Variants in SLC17A1 observed in about 807,000 individuals in gnomAD.
SLC17A1 encodes sodium-dependent phosphate transport protein 1.
Under a neutral mutation model 53.5 loss-of-function variants are expected in SLC17A1, and 51 were observed. The ratio of observed to expected loss-of-function variants is 0.95; its 90% CI spans 0.76 to 1.20. The LOEUF is 1.20. SLC17A1 is among the 50% of genes most tolerant of loss of function. SLC17A1 has a pLI of 0.00. For missense variants in SLC17A1, 538 were observed against 568.2 expected (o/e 0.95, Z 0.54); for synonymous variants, 179 against 198.8 (o/e 0.90, Z 0.84).
chr6:25,769,058 G>C, the SLC17A1 span: 1 of 1,613,988 alleles, frequency 6.2e-7, no homozygotes, highest in Non-Finnish European at 8.5e-7. Flanking sequence ...CCCAACAAAT[G>C]AACTTGAGCA....
chr6:25,772,118 G>T, the SLC17A1 span, among the ~76,000 whole-genome samples: 3 of 152,106 alleles, frequency 2.0e-5, no homozygotes, highest in Non-Finnish European at 4.4e-5. Flanking sequence ...AATATGTAAT[G>T]ATTCCATAGC....
intron 6 of SLC17A1, among the ~76,000 whole-genome samples, chr6:25,817,373 G>A (rs1448059739): frequency 2.0e-5 from 3 of 152,142 alleles, no homozygotes; most frequent in Admixed American, 6.5e-5. Context: ...TTTGACATAC[G>A]TGGACATCAT....
chr6:25,735,426 C>G, the SLC17A1 span, among the ~76,000 whole-genome samples: 2 of 152,188 alleles, frequency 1.3e-5, no homozygotes, highest in African/African-American at 4.8e-5. Context: ...CAATCATGCT[C>G]TAATGCAGTC....
chr6:25,773,818 T>A, the SLC17A1 span: 1 of 724,478 alleles, frequency 1.4e-6, no homozygotes, highest in African/African-American at 1.8e-5. Context: ...TGCAATCTAG[T>A]TAATTTGGAT....
intron 10 of SLC17A1, among the ~76,000 whole-genome samples, chr6:25,808,840 T>C (rs1165056128): frequency 1.3e-5 from 2 of 152,088 alleles, no homozygotes; most frequent in Non-Finnish European, 2.9e-5. Context: ...GAAAACAGTA[T>C]AGAGATTTCT....
chr6:25,779,874 G>C (rs1763216482), downstream of SLC17A1: 1 of 152,150 alleles, frequency 6.6e-6, no homozygotes, highest in South Asian at 2.1e-4. Flanking sequence ...TAACATGTTA[G>C]TGAACAGACA....
At chr6:25,734,426 C>T in the SLC17A1 span, among the ~76,000 whole-genome samples, 1 of 152,102 alleles carries the variant, frequency 6.6e-6, no homozygotes, top group African/African-American at 2.4e-5. Context: ...GAGCTAACAT[C>T]CTCAAATATC....
the SLC17A1 span, chr6:25,769,170 C>A: frequency 6.2e-7 from 1 of 1,613,892 alleles, no homozygotes; most frequent in Non-Finnish European, 8.5e-7. Flanking sequence ...GAATGAAACT[C>A]TAAAAGAATT....
chr6:25,734,984 T>G, the SLC17A1 span, among the ~76,000 whole-genome samples: 2 of 152,206 alleles, frequency 1.3e-5, no homozygotes, highest in African/African-American at 4.8e-5. Flanking sequence ...AATCAACAGT[T>G]CTCAGAGCCA....
At chr6:25,740,376 C>T in the SLC17A1 span, among the ~76,000 whole-genome samples, 2 of 143,772 alleles carry the variant, frequency 1.4e-5, 1 homozygote, top group Non-Finnish European at 3.2e-5. Context: ...CAAGCATCTA[C>T]AAAGTCATTT....
Position 25,819,541 on chromosome 6 carries a change from G to A in SLC17A1, c.499C>T (p.Arg167Ter), listed in dbSNP as rs754113746. ...GTACTCATAGAAGTAAGTCGGCCTCGTTCCAGGGGAGGAGCCCATTTGACA... is the reference window on the plus strand; with the variant it reads ...GTACTCATAGAAGTAAGTCGGCCTCATTCCAGGGGAGGAGCCCATTTGACA... Reference protein sequence around the residue: ...IYVKWAPPLERGRLTSMSTSG... With the variant: ...IYVKWAPPLE The change falls in exon 5 of 13, where the codon CGA becomes TGA. Residue 167 changes from arginine (R) to a stop codon, truncating the protein, a stop_gained. Coordinates refer to ENST00000244527, the MANE Select transcript of SLC17A1 (RefSeq NM_005074.5). LOFTEE classifies it high-confidence loss of function. 6.0e-5 allele frequency: 97 copies of A among 1,613,874 alleles called. No homozygotes were observed. Among genetic ancestry groups the A allele is most frequent in the Middle Eastern group, 3.3e-4 (2 of 6,084 alleles).
chr6:25,731,841 G>T, the SLC17A1 span: 25 of 1,602,684 alleles, frequency 1.6e-5, no homozygotes, highest in South Asian at 7.7e-5. Flanking sequence ...AACGTGCTTG[G>T]CTAGTTCCCC....
chr6:25,746,842 T>A, the SLC17A1 span, among the ~76,000 whole-genome samples: 2 of 152,192 alleles, frequency 1.3e-5, no homozygotes, highest in Admixed American at 1.3e-4. Context: ...AAAAACAATA[T>A]GGCAGGATTG....
At chr6:25,777,480 G>A in the SLC17A1 span, 1 of 156,710 alleles carries the variant, frequency 6.4e-6, no homozygotes, top group Non-Finnish European at 1.4e-5. Flanking sequence ...TGTCACAGGG[G>A]AGCCGACGTC....
chr6:25,768,645 C>A, the SLC17A1 span, among the ~76,000 whole-genome samples: 1 of 152,140 alleles, frequency 6.6e-6, no homozygotes, highest in Non-Finnish European at 1.5e-5. Flanking sequence ...TGTCCATACC[C>A]AATCGGTCAC....
chr6:25,816,120 G>C (rs572034135), intron 6 of SLC17A1, among the ~76,000 whole-genome samples: 3 of 152,168 alleles, frequency 2.0e-5, no homozygotes, highest in Non-Finnish European at 4.4e-5. Flanking sequence ...GTAAATCAAA[G>C]ACAATTTTGA....
At chr6:25,799,477 G>T (rs1185774684) in intron 11 of SLC17A1, among the ~76,000 whole-genome samples, 1 of 151,668 alleles carries the variant, frequency 6.6e-6, no homozygotes, top group Non-Finnish European at 1.5e-5. Flanking sequence ...ATTAAACATT[G>T]TTCTTCAGAT....
At chr6:25,771,058 G>A in the SLC17A1 span, 9 of 1,464,230 alleles carry the variant, frequency 6.1e-6, no homozygotes, top group Non-Finnish European at 8.6e-6. Context: ...AGAGACTTCT[G>A]TGATGCAATT....
At chr6:25,821,076 C>T (rs1299285999) in intron 3 of SLC17A1, among the ~76,000 whole-genome samples, 3 of 152,028 alleles carry the variant, frequency 2.0e-5, no homozygotes, top group Non-Finnish European at 4.4e-5. Context: ...GTGGCATTTT[C>T]TAAACTTTCT....
Sources: allele counts gnomAD v4.1 joint callset (sites outside exome capture counted in the v4.1 genomes callset), GRCh38; gene constraint gnomAD v4.1.1; transcripts MANE v1.5; gene names NCBI Gene and HGNC (gene_info 2026-07-23, HGNC 2026-07-21).